Variants in TET2 observed in about 807,000 individuals in gnomAD.
TET2 encodes methylcytosine dioxygenase TET2.
TET2 carries 299 observed loss-of-function variants against 142.9 expected under a neutral mutation model. The observed-to-expected ratio is 2.09, with a 90% CI of 1.90 to 2.30. The LOEUF is 2.30. Among genes scored for constraint, TET2 ranks in the 30% most tolerant of loss-of-function variants. TET2 has a pLI of 0.00. For missense variants in TET2, 2,418 were observed against 2,378.0 expected, an observed-to-expected ratio of 1.02 and a Z score of -0.35; for synonymous variants, 819 against 849.0, an observed-to-expected ratio of 0.96 and a Z score of 0.61.
At chr4:105,253,972 AATTG>A (rs1390589596) in intron 6 of TET2, among the ~76,000 whole-genome samples, 2 of 152,270 alleles carry the variant, frequency 1.3e-5, no homozygotes, top group East Asian at 3.9e-4. Flanking sequence ...GGATTACATT[AATTG>A]ATTTTCAAAT....
At chr4:105,264,812 G>A (rs1358237859) in intron 8 of TET2, among the ~76,000 whole-genome samples, 1 of 152,146 alleles carries the variant, frequency 6.6e-6, no homozygotes, top group Non-Finnish European at 1.5e-5. Context: ...TGTTATAGAT[G>A]CTGTCATAAA....
intron 6 of TET2, among the ~76,000 whole-genome samples, chr4:105,250,198 C>T (rs1729794524): frequency 6.6e-6 from 1 of 151,902 alleles, no homozygotes; most frequent in African/African-American, 2.4e-5. Context: ...TATTTCTGGA[C>T]TCTTAATTCT....
rs2110300157 is a variant in TET2 at position 105,269,592 on chromosome 4, C to A, written c.4045-18C>A. On this transcript the variant is annotated intron_variant, in intron 8 of 10. Coordinates refer to ENST00000380013, the MANE Select transcript of TET2 (RefSeq NM_001127208.3). ...AAAACTAACTACTTTCGCATTCACA[C>A]ACACTTTTATTTTTCAGATTGAATA... 1 of 1,550,708 alleles carries A rather than the reference C, an allele frequency of 6.4e-7. No individual in the cohort carries two copies. Among genetic ancestry groups the A allele is most frequent in the South Asian group, 1.2e-5 (1 of 84,010 alleles).
chr4:105,173,270 G>A (rs2903385), intron 1 of TET2, among the ~76,000 whole-genome samples: 74,148 of 151,452 alleles, frequency 0.49, 18,285 homozygotes, highest in East Asian at 0.56. Flanking sequence ...CTGTGATCCC[G>A]GCACTTTGGG....
At chr4:105,179,816 A>G (rs897484888) in intron 1 of TET2, among the ~76,000 whole-genome samples, 14 of 152,152 alleles carry the variant, frequency 9.2e-5, no homozygotes, top group African/African-American at 1.9e-4. Flanking sequence ...CTGGAAGACT[A>G]TCTACAGTGA....
chr4:105,240,067 C>T (rs971233535), intron 3 of TET2: 4 of 235,246 alleles, frequency 1.7e-5, no homozygotes, highest in Non-Finnish European at 3.6e-5. Context: ...GTTTGTGGCA[C>T]CCCCCAAAAA....
chr4:105,207,911 C>A (rs1323497331), intron 2 of TET2, among the ~76,000 whole-genome samples: 5 of 152,118 alleles, frequency 3.3e-5, no homozygotes, highest in Non-Finnish European at 7.4e-5. Context: ...TAGTATCCCT[C>A]ACACCAATGG....
chr4:105,235,523 CAACTGCCAGCAGT>C lies in TET2; in HGVS notation c.1582_1594del (p.Asn528Ter). Reference sequence around the variant, plus strand: ...TTGGTAGCAGTGGAGAGCTACAGGACAACTGCCAGCAGTTGATGAGAAACAAAGAGCAAGAGAT... The same window carrying C: ...TTGGTAGCAGTGGAGAGCTACAGGACTGATGAGAAACAAAGAGCAAGAGAT... On this transcript the variant is annotated frameshift_variant, in exon 3 of 11. Coordinates refer to ENST00000380013, the MANE Select transcript of TET2 (RefSeq NM_001127208.3). LOFTEE classifies it high-confidence loss of function. 6.2e-7 allele frequency: 1 copy of C among 1,614,120 alleles called. No individual in the cohort carries two copies. The highest frequency in any genetic ancestry group is 8.5e-7 in the Non-Finnish European group (1 of 1,180,020).
intron 2 of TET2, among the ~76,000 whole-genome samples, chr4:105,220,602 G>A (rs1727757213): frequency 1.3e-5 from 2 of 152,112 alleles, no homozygotes; most frequent in Non-Finnish European, 2.9e-5. Context: ...AGGATGAAAA[G>A]GAGCTCAGGG....
rs1221877686 is a variant in TET2 at position 105,234,193 on chromosome 4, G to T, written c.251G>T (p.Gly84Val). The change falls in exon 3 of 11, where the codon GGG (glycine) becomes GTG (valine). Residue 84 changes from glycine to valine, a missense_variant. Gly to Val is a moderately radical substitution (Grantham distance 109). Transcript: ENST00000380013. ...VSPDFTQESR[G>V]YSKCLQNGGI... ...CCTGACTTTACACAAGAAAGTAGAG[G>T]GTATTCCAAGTGTTTGCAAAATGGA... 14 of 1,614,130 alleles carry T rather than the reference G, an allele frequency of 8.7e-6. No individual in the cohort carries two copies. Among genetic ancestry groups the T allele is most frequent in the East Asian group, 6.7e-5 (3 of 44,876 alleles).
chr4:105,248,371 A>G (rs1578699634), intron 6 of TET2, among the ~76,000 whole-genome samples: 1 of 152,222 alleles, frequency 6.6e-6, no homozygotes, highest in East Asian at 1.9e-4. Context: ...ACATTTGAAT[A>G]ACTGACCTAA....
At chr4:105,189,200 T>A (rs1028772790) in intron 1 of TET2, among the ~76,000 whole-genome samples, 1 of 150,680 alleles carries the variant, frequency 6.6e-6, no homozygotes. Context: ...ATAATGATGA[T>A]AATGATAATA....
At position 105,259,762 on chromosome 4, in the gene TET2, C is replaced by T. The variant is rs1560563651; in HGVS notation, c.3947C>T (p.Pro1316Leu). 2 of 1,550,158 alleles carry T rather than the reference C, an allele frequency of 1.3e-6. No homozygotes were observed. Among genetic ancestry groups the T allele is most frequent in the African/African-American group, 2.7e-5 (2 of 73,058 alleles). The change falls in exon 7 of 11, where the codon CCA (proline) becomes CTA (leucine). Residue 1316 changes from proline to leucine, a missense_variant. Coordinates refer to ENST00000380013, the MANE Select transcript of TET2 (RefSeq NM_001127208.3). ...AAGTTTAAGCTGCTTGGGGATGACC[C>T]AAAAGAGGTTTGTTTACTTCCTGAT... is the stretch of plus-strand genomic sequence containing the variant. ...PRKFKLLGDD[P>L]KEEEKLESHL...
chr4:105,180,846 C>T (rs1274229418), intron 1 of TET2, among the ~76,000 whole-genome samples: 1 of 152,094 alleles, frequency 6.6e-6, no homozygotes, highest in Non-Finnish European at 1.5e-5. Context: ...ACGATGTTGG[C>T]CAGACTGGTC....
intron 1 of TET2, among the ~76,000 whole-genome samples, chr4:105,157,683 A>G (rs1723635241): frequency 6.6e-6 from 1 of 152,046 alleles, no homozygotes; most frequent in South Asian, 2.1e-4. Flanking sequence ...ATTTATTTTT[A>G]TTTTTTATTT....
intron 2 of TET2, among the ~76,000 whole-genome samples, chr4:105,212,008 T>G (rs1396255039): frequency 6.6e-6 from 1 of 152,198 alleles, no homozygotes; most frequent in African/African-American, 2.4e-5. Context: ...TATAACAGTA[T>G]GCCAATGTAG....
chr4:105,275,080 C>A lies in TET2; in HGVS notation c.4570C>A (p.Gln1524Lys). The change falls in exon 11 of 11, where the codon CAG (glutamine) becomes AAG (lysine). Residue 1524 changes from glutamine (Q) to lysine (K), a missense_variant. Coordinates refer to ENST00000380013, the MANE Select transcript of TET2 (RefSeq NM_001127208.3). Reference protein sequence around the residue: ...LLRLSGPVMQQSQQPQPLQKQ... With the variant: ...LLRLSGPVMQKSQQPQPLQKQ... ...GCGACTTTCAGGACCAGTCATGCAG[C>A]AGTCCCAGCAGCCCCAGCCTCTACA... 1 of 1,546,940 alleles carries A rather than the reference C, an allele frequency of 6.5e-7. No individual in the cohort carries two copies.
chr4:105,269,680 C>T lies in TET2; in HGVS notation c.4115C>T (p.Thr1372Ile). 2 of 1,551,648 alleles carry T rather than the reference C, an allele frequency of 1.3e-6. No homozygotes were observed. Among genetic ancestry groups the T allele is most frequent in the Non-Finnish European group, 1.7e-6 (2 of 1,146,952 alleles). Residue 1372 changes from threonine (T) to isoleucine (I), a missense_variant, in exon 9 of 11, where the codon ACT (threonine) becomes ATT (isoleucine). Coordinates refer to ENST00000380013, the MANE Select transcript of TET2 (RefSeq NM_001127208.3). ...GAAGGCCGTCCATTCTCAGGGGTCA[C>T]TGCATGTTTGGACTTCTGTGCTCAT... Reference protein sequence around the residue: ...LKEGRPFSGVTACLDFCAHAH... With the variant: ...LKEGRPFSGVIACLDFCAHAH...
chr4:105,222,712 T>C (rs1405876776), intron 2 of TET2, among the ~76,000 whole-genome samples: 2 of 152,110 alleles, frequency 1.3e-5, no homozygotes, highest in African/African-American at 4.8e-5. Flanking sequence ...AGAAGCTCTT[T>C]AGTTTAATTA....
Sources: gnomAD v4.1 joint callset for allele counts (sites outside exome capture counted in the v4.1 genomes callset) on GRCh38, gnomAD v4.1.1 for gene constraint, MANE v1.5 for transcripts, NCBI Gene and HGNC (gene_info 2026-07-23, HGNC 2026-07-21) for gene names.